The following PRKCB variants were observed in gnomAD, a reference collection of about 807,000 sequenced individuals.
The protein encoded by PRKCB is protein kinase C beta type.
Under a neutral mutation model 81.5 loss-of-function variants are expected in PRKCB, and 13 were observed. That is an observed-to-expected ratio of 0.16 (90% CI 0.10 to 0.25). The LOEUF (loss-of-function observed/expected upper bound fraction) is 0.25, where lower values mean the gene tolerates loss of function less well. Among genes scored for constraint, PRKCB ranks in the 10% least tolerant of loss-of-function variants. The pLI is 1.00. For missense variants in PRKCB, 509 were observed against 875.7 expected, an observed-to-expected ratio of 0.58 and a Z score of 5.29; for synonymous variants, 335 against 321.4, an observed-to-expected ratio of 1.04 and a Z score of -0.45.
chr16:24,140,390 G>T (rs1168274301), intron 9 of PRKCB, among the ~76,000 whole-genome samples: 1 of 152,158 alleles, frequency 6.6e-6, no homozygotes, highest in East Asian at 1.9e-4. Context: ...CTTCTTGCCT[G>T]CTCCCCAGAT....
rs1555496093 is a variant in PRKCB, at chr16:24,089,789, T to TCA, written c.530-2987_530-2986dup. ...GACCTTGTCTCTCTCTCTCTCTCTCTCACACACACACACACAACAAAAACG... is the reference window on the plus strand; with the variant it reads ...GACCTTGTCTCTCTCTCTCTCTCTCTCACACACACACACACACAACAAAAACG... On this transcript the variant is annotated intron_variant, in intron 5 of 16. Coordinates refer to ENST00000643927, the MANE Select transcript of PRKCB (RefSeq NM_002738.7). Among the ~76,000 whole-genome samples the TCA allele has an allele frequency of 2.3e-4, 34 of 149,992 alleles. 1 individual carries two copies. The highest frequency in any genetic ancestry group is 1.7e-3 in the South Asian group (8 of 4,738).
chr16:24,196,714 C>T (rs189517598), intron 16 of PRKCB, among the ~76,000 whole-genome samples: 1 of 152,334 alleles, frequency 6.6e-6, no homozygotes, highest in East Asian at 1.9e-4. Flanking sequence ...GGGGATAGGA[C>T]ACTGTGGGGC....
intron 2 of PRKCB, among the ~76,000 whole-genome samples, chr16:23,848,538 C>T (rs1400667482): frequency 6.6e-6 from 1 of 152,168 alleles, no homozygotes; most frequent in Non-Finnish European, 1.5e-5. Context: ...TCTCTCTTCA[C>T]TGTATCCTTA....
intron 3 of PRKCB, among the ~76,000 whole-genome samples, chr16:23,989,088 G>A (rs999460246): frequency 6.6e-6 from 1 of 152,110 alleles, no homozygotes; most frequent in Non-Finnish European, 1.5e-5. Flanking sequence ...AGCCTCCCGA[G>A]GAGCTGGGAC....
intron 2 of PRKCB, among the ~76,000 whole-genome samples, chr16:23,845,591 G>A (rs1783120155): frequency 6.6e-6 from 1 of 152,100 alleles, no homozygotes; most frequent in African/African-American, 2.4e-5. Flanking sequence ...GACCAGCCTG[G>A]GCAACATAAC....
intron 5 of PRKCB, among the ~76,000 whole-genome samples, chr16:24,049,410 TCCAGGAC>T (rs1965813103): frequency 7.2e-6 from 1 of 138,228 alleles, no homozygotes; most frequent in African/African-American, 2.7e-5. Flanking sequence ...CCCTGGCACA[TCCAGGAC>T]CTGCAACCTT....
chr16:24,212,719 G>A (rs528386954), intron 16 of PRKCB, among the ~76,000 whole-genome samples: 48 of 151,826 alleles, frequency 3.2e-4, no homozygotes, highest in Non-Finnish European at 1.5e-4. Flanking sequence ...TGCCCACCTC[G>A]GCCTCCCAAA....
intron 2 of PRKCB, among the ~76,000 whole-genome samples, chr16:23,904,617 C>T (rs1963528435): frequency 1.3e-5 from 2 of 152,108 alleles, no homozygotes; most frequent in South Asian, 2.1e-4. Context: ...GAGCTGAGAT[C>T]GCACTACTGC....
intron 10 of PRKCB, among the ~76,000 whole-genome samples, chr16:24,162,573 G>A (rs1596576333): frequency 6.9e-6 from 1 of 145,576 alleles, no homozygotes; most frequent in Admixed American, 6.9e-5. Flanking sequence ...CTCGACTTCC[G>A]GAGTAGCTGG....
intron 13 of PRKCB, 133 bp downstream of exon 13, chr16:24,181,061 T>C (rs1232119612): frequency 1.7e-6 from 2 of 1,150,012 alleles, no homozygotes; most frequent in Admixed American, 2.8e-5. Flanking sequence ...TTCTATACTC[T>C]AAATCCTCCC....
At chr16:23,928,302 A>AT (rs1963924038) in intron 2 of PRKCB, among the ~76,000 whole-genome samples, 1 of 151,620 alleles carries the variant, frequency 6.6e-6, no homozygotes, top group Non-Finnish European at 1.5e-5. Flanking sequence ...ATTTTTTTGT[A>AT]TTTTTAGTAG....
intron 9 of PRKCB, among the ~76,000 whole-genome samples, chr16:24,142,341 T>G (rs181465296): frequency 6.6e-6 from 1 of 152,348 alleles, no homozygotes; most frequent in Admixed American, 6.5e-5. Flanking sequence ...GGTAAAGACG[T>G]GGATGCAGAA....
At chr16:24,214,016 G>A (rs1231362148) in intron 16 of PRKCB, among the ~76,000 whole-genome samples, 1 of 152,218 alleles carries the variant, frequency 6.6e-6, no homozygotes, top group Non-Finnish European at 1.5e-5. Context: ...CCTTGCATTT[G>A]ATGTTCAGTG....
At chr16:24,110,509 C>CTTTTTTTTTTTT (rs777132623) in intron 7 of PRKCB, among the ~76,000 whole-genome samples, 1 of 125,318 alleles carries the variant, frequency 8.0e-6, no homozygotes. Flanking sequence ...CCATGCCCAA[C>CTTTTTTTTTTTT]CTTTTTTTTT....
chr16:23,993,478 A>C (rs1165993712), intron 3 of PRKCB, among the ~76,000 whole-genome samples: 2 of 152,176 alleles, frequency 1.3e-5, no homozygotes, highest in Non-Finnish European at 2.9e-5. Context: ...AGAATGCCAG[A>C]GTGGATTTGT....
intron 8 of PRKCB, among the ~76,000 whole-genome samples, chr16:24,119,292 G>A (rs1306102297): frequency 2.0e-5 from 3 of 152,094 alleles, no homozygotes; most frequent in Admixed American, 6.5e-5. Flanking sequence ...GCTGAGGGAT[G>A]AGGCTGTTAG....
At chr16:24,055,466 C>T (rs1965893000) in intron 5 of PRKCB, among the ~76,000 whole-genome samples, 3 of 152,214 alleles carry the variant, frequency 2.0e-5, no homozygotes, top group Non-Finnish European at 2.9e-5. Flanking sequence ...GCTTTCACGT[C>T]GGCTTCTCTG....
At chr16:24,083,242 C>T (rs1212971844) in intron 5 of PRKCB, among the ~76,000 whole-genome samples, 1 of 152,158 alleles carries the variant, frequency 6.6e-6, no homozygotes, top group Non-Finnish European at 1.5e-5. Context: ...TCATTCATCA[C>T]TGTGGGAATG....
intron 3 of PRKCB, among the ~76,000 whole-genome samples, chr16:24,013,935 T>C (rs909241243): frequency 3.9e-5 from 6 of 151,980 alleles, no homozygotes; most frequent in Admixed American, 6.6e-5. Flanking sequence ...GTGTGCAGAG[T>C]CCCCGGTGCA....
Sources: allele counts gnomAD v4.1 joint callset (sites outside exome capture counted in the v4.1 genomes callset), GRCh38; gene constraint gnomAD v4.1.1; transcripts MANE v1.5; gene names NCBI Gene and HGNC (gene_info 2026-07-23, HGNC 2026-07-21).